Variants in SAMD4A observed in about 807,000 individuals in gnomAD.
The protein encoded by SAMD4A is sterile alpha motif domain containing 4A, also known as protein Smaug homolog 1.
Under a neutral mutation model 81.3 loss-of-function variants are expected in SAMD4A, and 33 were observed. The observed-to-expected ratio is 0.41, with a 90% CI of 0.31 to 0.54. The LOEUF is 0.54. SAMD4A is among the 20% of genes least tolerant of loss of function. The probability of loss-of-function intolerance (pLI) is 0.37; values close to 1 mark genes in which losing one functional copy is unlikely to be tolerated. For synonymous variants in SAMD4A, 389 were observed against 382.1 expected (o/e 1.02, Z -0.21); for missense variants, 854 against 951.1 (o/e 0.90, Z 1.34).
At chr14:54,728,512 CTAAT>C (rs1431438435) in intron 3 of SAMD4A, among the ~76,000 whole-genome samples, 1 of 152,094 alleles carries the variant, frequency 6.6e-6, no homozygotes, top group Non-Finnish European at 1.5e-5. Context: ...AAAAAATCAT[CTAAT>C]TAGTAGTGTA....
intron 3 of SAMD4A, among the ~76,000 whole-genome samples, chr14:54,725,863 C>A (rs1321541273): frequency 1.3e-5 from 2 of 152,138 alleles, no homozygotes; most frequent in Non-Finnish European, 2.9e-5. Context: ...TTCAGCAGTC[C>A]GTTTTTGTTT....
At chr14:54,753,305 A>C (rs1340120443) in intron 6 of SAMD4A, among the ~76,000 whole-genome samples, 1 of 152,258 alleles carries the variant, frequency 6.6e-6, no homozygotes. Flanking sequence ...TCCGCAGTGC[A>C]TTGTGCCCCT....
At chr14:54,710,869 T>C (rs957938217) in intron 3 of SAMD4A, among the ~76,000 whole-genome samples, 1 of 152,230 alleles carries the variant, frequency 6.6e-6, no homozygotes. Flanking sequence ...GCACCTGGGA[T>C]AATGTGTGGC....
chr14:54,588,002 C>G (rs1291684409), intron 2 of SAMD4A, among the ~76,000 whole-genome samples: 1 of 152,242 alleles, frequency 6.6e-6, no homozygotes, highest in Non-Finnish European at 1.5e-5. Context: ...AGCTGTGAAC[C>G]TGTCTCGTCC....
At chr14:54,671,111 A>G (rs781615747) in intron 2 of SAMD4A, among the ~76,000 whole-genome samples, 6 of 152,208 alleles carry the variant, frequency 3.9e-5, no homozygotes, top group Non-Finnish European at 8.8e-5. Context: ...AATGAAAGAT[A>G]AGTGTGGCGA....
intron 8 of SAMD4A, among the ~76,000 whole-genome samples, chr14:54,765,862 C>A (rs1167340918): frequency 2.0e-5 from 3 of 152,152 alleles, no homozygotes; most frequent in African/African-American, 4.8e-5. Flanking sequence ...GTACAGTCCC[C>A]CTCTGGGATT....
At chr14:54,661,301 A>G (rs1196710706) in intron 2 of SAMD4A, among the ~76,000 whole-genome samples, 1 of 152,212 alleles carries the variant, frequency 6.6e-6, no homozygotes, top group Non-Finnish European at 1.5e-5. Flanking sequence ...ATTCTTTTTC[A>G]TACCTATATT....
intron 2 of SAMD4A, among the ~76,000 whole-genome samples, chr14:54,607,655 C>T (rs936446356): frequency 9.9e-5 from 15 of 151,804 alleles, no homozygotes; most frequent in African/African-American, 1.7e-4. Flanking sequence ...AGGGTTTCAC[C>T]GTGTTAGCCA....
chr14:54,740,029 G>A (rs1361400533), intron 4 of SAMD4A, among the ~76,000 whole-genome samples: 1 of 152,156 alleles, frequency 6.6e-6, no homozygotes, highest in African/African-American at 2.4e-5. Context: ...AATTAGTCAG[G>A]TGTGGTGGCA....
At chr14:54,760,517 CTTTT>C in intron 7 of SAMD4A, 23 bp downstream of exon 7, 1 of 1,382,320 alleles carries the variant, frequency 7.2e-7, no homozygotes, top group Non-Finnish European at 9.3e-7. Flanking sequence ...TCGCCCATTT[CTTTT>C]TTCTTCTGGA....
At chr14:54,589,445 C>G (rs1292576869) in intron 2 of SAMD4A, among the ~76,000 whole-genome samples, 1 of 152,056 alleles carries the variant, frequency 6.6e-6, no homozygotes, top group Admixed American at 6.5e-5. Context: ...CATTCTGCCT[C>G]AAGTTTATGT....
At chr14:54,720,064 G>A (rs2037222245) in intron 3 of SAMD4A, among the ~76,000 whole-genome samples, 1 of 151,870 alleles carries the variant, frequency 6.6e-6, no homozygotes, top group Non-Finnish European at 1.5e-5. Context: ...CTCCTATTTT[G>A]TTTTACTTTT....
upstream of SAMD4A, among the ~76,000 whole-genome samples, chr14:54,566,711 A>C (rs1328247073): frequency 6.6e-6 from 1 of 151,636 alleles, no homozygotes; most frequent in Admixed American, 6.6e-5. Context: ...CGGACAGACC[A>C]GCCCGTAGGC....
chr14:54,793,299 A>G lies in SAMD4A; in HGVS notation c.*4355A>G, dbSNP rs1010407913. ...GAAAGTGAAGGGAAATGATTAATAC[A>G]AGGTTTTGTAACACTGGTGTGTCTT... On this transcript the variant is annotated 3_prime_UTR_variant, in exon 13 of 13. Transcript: ENST00000554335. 1 of 152,150 alleles carries G rather than the reference A, an allele frequency of 6.6e-6. No homozygotes were observed. The highest frequency in any genetic ancestry group is 1.9e-4 in the East Asian group (1 of 5,196). The allele number at this position is 152,150 out of a possible 1,614,324, so 9.4% of individuals were successfully genotyped here.
chr14:54,698,604 A>G (rs1594827804), intron 2 of SAMD4A, among the ~76,000 whole-genome samples: 1 of 152,346 alleles, frequency 6.6e-6, no homozygotes, highest in East Asian at 1.9e-4. Flanking sequence ...AAAACATTCA[A>G]TACTGTTGGC....
intron 2 of SAMD4A, among the ~76,000 whole-genome samples, chr14:54,611,878 A>C (rs1212655531): frequency 6.6e-6 from 1 of 150,908 alleles, no homozygotes; most frequent in Non-Finnish European, 1.5e-5. Context: ...CTCTGTCTAA[A>C]AAAAAAAAAA....
At chr14:54,759,137 C>T (rs750038505) in intron 6 of SAMD4A, among the ~76,000 whole-genome samples, 1 of 152,198 alleles carries the variant, frequency 6.6e-6, no homozygotes, top group Non-Finnish European at 1.5e-5. Context: ...TATTATACAA[C>T]ACATAAAGAC....
chr14:54,787,940 T>C (rs2039182028), intron 12 of SAMD4A, among the ~76,000 whole-genome samples: 2 of 152,156 alleles, frequency 1.3e-5, no homozygotes, highest in African/African-American at 4.8e-5. Context: ...TGGGGACCGT[T>C]CTAGAACCCA....
intron 3 of SAMD4A, among the ~76,000 whole-genome samples, chr14:54,706,438 C>G (rs1468725467): frequency 6.6e-6 from 1 of 151,766 alleles, no homozygotes; most frequent in Non-Finnish European, 1.5e-5. Context: ...AACCCTATCT[C>G]TACTAAACAT....
Sources: allele counts gnomAD v4.1 joint callset (sites outside exome capture counted in the v4.1 genomes callset), GRCh38; gene constraint gnomAD v4.1.1; transcripts MANE v1.5; gene names NCBI Gene and HGNC (gene_info 2026-07-23, HGNC 2026-07-21).